AKAP19: variants seen among roughly 807,000 people sequenced by gnomAD.
The protein encoded by AKAP19 is A-kinase anchoring protein 19.
the AKAP19 span, chr2:189,930,870 G>T: frequency 1.4e-6 from 1 of 730,868 alleles, no homozygotes; most frequent in South Asian, 1.5e-5. Flanking sequence ...TTGGATGGTA[G>T]ACTGGAGCTG....
At chr2:190,122,001 T>C in the AKAP19 span, among the ~76,000 whole-genome samples, 3 of 152,248 alleles carry the variant, frequency 2.0e-5, no homozygotes, top group African/African-American at 7.2e-5. Context: ...ACAATGTATC[T>C]GTTAATGGAA....
chr2:190,073,615 C>G, the AKAP19 span, among the ~76,000 whole-genome samples: 1 of 151,964 alleles, frequency 6.6e-6, no homozygotes, highest in Non-Finnish European at 1.5e-5. Context: ...AAAATTTTAG[C>G]TACCATACAA....
chr2:189,959,063 G>A, the AKAP19 span, among the ~76,000 whole-genome samples: 2 of 151,738 alleles, frequency 1.3e-5, no homozygotes, highest in African/African-American at 4.8e-5. Context: ...CTTCAATTGT[G>A]ATGTTATTTT....
chr2:190,157,758 C>A, the AKAP19 span, among the ~76,000 whole-genome samples: 5 of 152,136 alleles, frequency 3.3e-5, no homozygotes, highest in East Asian at 9.6e-4. Flanking sequence ...TCACATGTCT[C>A]TAGAACTCAA....
At chr2:190,070,989 G>A in the AKAP19 span, among the ~76,000 whole-genome samples, 1 of 152,114 alleles carries the variant, frequency 6.6e-6, no homozygotes, top group African/African-American at 2.4e-5. Context: ...CCACATAGAT[G>A]AGGGGGGTCC....
the AKAP19 span, among the ~76,000 whole-genome samples, chr2:190,125,618 G>A: frequency 6.6e-5 from 10 of 152,190 alleles, no homozygotes; most frequent in Admixed American, 4.6e-4. Context: ...CTACAATTCC[G>A]TTTATGAAAA....
chr2:190,014,640 T>TC, the AKAP19 span, among the ~76,000 whole-genome samples: 1 of 150,988 alleles, frequency 6.6e-6, no homozygotes, highest in South Asian at 2.1e-4. Context: ...TCCTCAAATG[T>TC]CCTTTTTTTT....
At chr2:189,950,128 A>G in the AKAP19 span, among the ~76,000 whole-genome samples, 1 of 141,752 alleles carries the variant, frequency 7.1e-6, no homozygotes, top group Middle Eastern at 4.0e-3. Flanking sequence ...CCCAGATTCA[A>G]GTGATTCTCC....
the AKAP19 span, among the ~76,000 whole-genome samples, chr2:190,189,421 T>A: frequency 3.3e-3 from 506 of 152,352 alleles, 3 homozygotes; most frequent in Middle Eastern, 0.024. Flanking sequence ...TATCTGCCTG[T>A]TTCATCTATT....
chr2:190,055,867 T>C, the AKAP19 span: 22 of 152,340 alleles, frequency 1.4e-4, no homozygotes, highest in Middle Eastern at 3.4e-3. Context: ...TATCAAATTA[T>C]AAAATAAAAG....
At chr2:190,011,611 A>G in the AKAP19 span, among the ~76,000 whole-genome samples, 2 of 152,224 alleles carry the variant, frequency 1.3e-5, no homozygotes, top group Non-Finnish European at 2.9e-5. Flanking sequence ...TTTAAAATAC[A>G]GTGTGAGATA....
At chr2:190,087,980 A>G in the AKAP19 span, among the ~76,000 whole-genome samples, 1 of 152,158 alleles carries the variant, frequency 6.6e-6, no homozygotes, top group African/African-American at 2.4e-5. Context: ...GGACACACAC[A>G]AAAAAGTAGA....
the AKAP19 span, among the ~76,000 whole-genome samples, chr2:189,935,117 G>A: frequency 2.7e-4 from 41 of 152,016 alleles, no homozygotes; most frequent in Admixed American, 1.3e-3. Flanking sequence ...TATTAATGAA[G>A]GAATGGGTTT....
At chr2:189,881,038 A>C in the AKAP19 span, among the ~76,000 whole-genome samples, 1 of 152,212 alleles carries the variant, frequency 6.6e-6, no homozygotes, top group Admixed American at 6.5e-5. Context: ...GTGAGCACAC[A>C]CAGCTAATCT....
the AKAP19 span, among the ~76,000 whole-genome samples, chr2:189,987,606 G>A: frequency 1.3e-5 from 2 of 152,094 alleles, no homozygotes; most frequent in Non-Finnish European, 2.9e-5. Flanking sequence ...ATCAGTTATG[G>A]CCACAGAAGA....
At chr2:189,969,857 TTTC>T in the AKAP19 span, among the ~76,000 whole-genome samples, 30 of 146,740 alleles carry the variant, frequency 2.0e-4, no homozygotes, top group East Asian at 1.6e-3. Context: ...TCTTTTTCAC[TTTC>T]TTCTTCTTCT....
the AKAP19 span, among the ~76,000 whole-genome samples, chr2:190,148,313 G>A: frequency 2.0e-5 from 3 of 152,162 alleles, no homozygotes; most frequent in African/African-American, 7.2e-5. Flanking sequence ...GACACTTATT[G>A]ATTCACATAT....
the AKAP19 span, among the ~76,000 whole-genome samples, chr2:189,996,847 A>T: frequency 6.6e-6 from 1 of 152,072 alleles, no homozygotes; most frequent in Non-Finnish European, 1.5e-5. Context: ...GCTGGACTGC[A>T]CTGTTTGTTC....
the AKAP19 span, among the ~76,000 whole-genome samples, chr2:190,132,931 C>T: frequency 1.3e-5 from 2 of 151,940 alleles, no homozygotes; most frequent in Non-Finnish European, 2.9e-5. Flanking sequence ...TCAAACAATT[C>T]AATAGCAAGA....
Sources: allele counts gnomAD v4.1 joint callset (sites outside exome capture counted in the v4.1 genomes callset), GRCh38; gene constraint gnomAD v4.1.1; transcripts MANE v1.5; gene names NCBI Gene and HGNC (gene_info 2026-07-23, HGNC 2026-07-21).